OR6B3: variants seen among roughly 807,000 people sequenced by gnomAD.
OR6B3 encodes olfactory receptor family 6 subfamily B member 3.
For missense variants in OR6B3, 315 were observed against 427.4 expected, an observed-to-expected ratio of 0.74 and a Z score of 2.32; for synonymous variants, 148 against 187.8, an observed-to-expected ratio of 0.79 and a Z score of 1.73.
intron 1 of OR6B3, among the ~76,000 whole-genome samples, chr2:240,046,534 A>T (rs78672179): frequency 0.041 from 6,307 of 152,212 alleles, 154 homozygotes; most frequent in Non-Finnish European, 0.05. Flanking sequence ...ATGACCTGTT[A>T]CCTGGTTTTA....
upstream of OR6B3, among the ~76,000 whole-genome samples, chr2:240,051,125 T>A (rs1180915143): frequency 6.6e-6 from 1 of 152,022 alleles, no homozygotes; most frequent in East Asian, 1.9e-4. Flanking sequence ...GTAAAACAGA[T>A]GAAACAGGAA....
At chr2:240,046,162 C>G in intron 1 of OR6B3, 65 bp from the exon 3 acceptor site, 1 of 1,163,034 alleles carries the variant, frequency 8.6e-7, no homozygotes, top group Non-Finnish European at 1.2e-6. Context: ...GAGAGTGGAG[C>G]TGGACCTGGA....
the OR6B3 span, among the ~76,000 whole-genome samples, chr2:240,052,092 T>C: frequency 6.6e-6 from 1 of 152,242 alleles, no homozygotes; most frequent in Non-Finnish European, 1.5e-5. This position sits in a 1 kb window ranked among gnomAD's most constrained non-coding sequence, Gnocchi z 4.5. Context: ...TACACTATTA[T>C]AATTAAGGGA....
upstream of OR6B3, among the ~76,000 whole-genome samples, chr2:240,049,752 G>A (rs574352816): frequency 6.6e-5 from 10 of 151,990 alleles, no homozygotes; most frequent in South Asian, 2.1e-3. Context: ...TACAGTTAAA[G>A]CCAGTAACTA....
chr2:240,052,067 A>T, the OR6B3 span, among the ~76,000 whole-genome samples: 1 of 152,242 alleles, frequency 6.6e-6, no homozygotes, highest in Admixed American at 6.5e-5. The surrounding 1 kb of genome is among the most constrained non-coding windows in gnomAD (Gnocchi z 4.5). Flanking sequence ...AGGACTTTTA[A>T]GCTGAAAAAT....
Position 240,046,321 on chromosome 2 carries a change from C to T in OR6B3, c.-25-224G>A, listed in dbSNP as rs142126942. Among the ~76,000 whole-genome samples the T allele has an allele frequency of 5.4e-3, 818 of 152,188 alleles. 7 individuals are homozygous for T. Among genetic ancestry groups the T allele is most frequent in the Non-Finnish European group, 8.5e-3 (581 of 68,008 alleles). The stretch of plus-strand genomic sequence containing the variant: ...GCCTGTAACACTGGGTCTGGAATGC[C>T]CTCCTGAGCCTGTCACCACCAGTCT... On this transcript the variant is annotated intron_variant, in intron 1 of 1. Transcript: ENST00000641019.
At chr2:240,045,863 C>G in exon 2 of OR6B3, 1 of 1,613,046 alleles carries the variant, frequency 6.2e-7, no homozygotes, top group Non-Finnish European at 8.5e-7. Context: ...CGTACCAGAT[C>G]TCTAGGAAAG....
exon 2 of OR6B3, chr2:240,045,992 G>A (rs766327916): frequency 5.6e-6 from 9 of 1,610,496 alleles, no homozygotes; most frequent in Non-Finnish European, 7.6e-6. Flanking sequence ...AGAGGAGGAA[G>A]AGCAGGTACT....
the OR6B3 span, among the ~76,000 whole-genome samples, chr2:240,052,565 G>C: frequency 6.6e-6 from 1 of 152,158 alleles, no homozygotes; most frequent in African/African-American, 2.4e-5. The surrounding 1 kb of genome is among the most constrained non-coding windows in gnomAD (Gnocchi z 4.5). Context: ...ATGATGTCAG[G>C]ATAGTTCATT....
chr2:240,047,531 A>C (rs11883510), upstream of OR6B3, among the ~76,000 whole-genome samples: 21,117 of 152,232 alleles, frequency 0.14, 2,006 homozygotes, highest in African/African-American at 0.27. Context: ...CACTGTCCTG[A>C]GGGGCAGAGC....
the OR6B3 span, among the ~76,000 whole-genome samples, chr2:240,052,880 C>T: frequency 1.3e-5 from 2 of 152,122 alleles, no homozygotes; most frequent in South Asian, 2.1e-4. The surrounding 1 kb of genome is among the most constrained non-coding windows in gnomAD (Gnocchi z 4.5). Flanking sequence ...GGCATGATCT[C>T]GGCTCACCGC....
the OR6B3 span, among the ~76,000 whole-genome samples, chr2:240,053,220 TCCTG>T: frequency 3.3e-5 from 5 of 152,236 alleles, no homozygotes. The surrounding 1 kb of genome is among the most constrained non-coding windows in gnomAD (Gnocchi z 4.1). Context: ...ATGTCATTTA[TCCTG>T]CACGTTTCAG....
At chr2:240,045,026 AT>A (rs773602346), downstream of OR6B3, 20 of 1,496,400 alleles carry the variant, frequency 1.3e-5, no homozygotes, top group African/African-American at 1.5e-4. Context: ...TTTGGAAGTA[AT>A]TTTTAAATAA....
the OR6B3 span, among the ~76,000 whole-genome samples, chr2:240,052,368 G>A: frequency 6.6e-6 from 1 of 151,852 alleles, no homozygotes; most frequent in African/African-American, 2.4e-5. This position sits in a 1 kb window ranked among gnomAD's most constrained non-coding sequence, Gnocchi z 4.5. Flanking sequence ...TTAATGAAGA[G>A]GCGTTTCTAT....
chr2:240,047,543 G>A (rs1698209756), upstream of OR6B3, among the ~76,000 whole-genome samples: 1 of 152,212 alleles, frequency 6.6e-6, no homozygotes, highest in African/African-American at 2.4e-5. Context: ...GGGCAGAGCA[G>A]GTCACTGGAA....
upstream of OR6B3, among the ~76,000 whole-genome samples, chr2:240,048,734 C>T (rs142449123): frequency 1.1e-4 from 17 of 152,310 alleles, no homozygotes; most frequent in East Asian, 3.9e-4. Context: ...GGTGATGGCA[C>T]GTGTTTCTTT....
At chr2:240,050,266 G>A (rs1029909175), upstream of OR6B3, among the ~76,000 whole-genome samples, 5 of 152,222 alleles carry the variant, frequency 3.3e-5, no homozygotes, top group African/African-American at 1.2e-4. Flanking sequence ...CGTAGGCTCA[G>A]ATGTATAATC....
upstream of OR6B3, among the ~76,000 whole-genome samples, chr2:240,047,783 T>TGAATGA (rs1294232354): frequency 7.9e-5 from 12 of 152,208 alleles, no homozygotes; most frequent in Admixed American, 2.0e-4. Flanking sequence ...ATTAAATGAC[T>TGAATGA]GAATGAGAAT....
the OR6B3 span, among the ~76,000 whole-genome samples, chr2:240,052,188 T>TA: frequency 4.6e-5 from 7 of 152,352 alleles, no homozygotes; most frequent in South Asian, 8.3e-4. The surrounding 1 kb of genome is among the most constrained non-coding windows in gnomAD (Gnocchi z 4.5). Context: ...AAGTATATTG[T>TA]AAAAATGTCA....
Sources: gnomAD v4.1 joint callset for allele counts (sites outside exome capture counted in the v4.1 genomes callset) on GRCh38, gnomAD v4.1.1 for gene constraint, Gnocchi (gnomAD v3.1) non-coding constraint, MANE v1.5 for transcripts, NCBI Gene and HGNC (gene_info 2026-07-23, HGNC 2026-07-21) for gene names.